Variants in ZNF718 observed in about 807,000 individuals in gnomAD.
ZNF718 encodes the protein zinc finger protein 718.
Under a neutral mutation model 2.6 loss-of-function variants are expected in ZNF718, and 3 were observed. The ratio of observed to expected loss-of-function variants is 1.16; its 90% confidence interval spans 0.53 to 3.01. The LOEUF is 3.01. ZNF718 is among the 30% of genes most tolerant of loss of function. The probability of loss-of-function intolerance (pLI) is 0.03; values close to 1 mark genes in which losing one functional copy is unlikely to be tolerated. For synonymous variants in ZNF718, 135 were observed against 77.9 expected (o/e 1.73, Z -3.86); for missense variants, 468 against 230.0 (o/e 2.03, Z -6.69).
At chr4:194,817 A>G (rs1202293773) in intron 3 of ZNF718, among the ~76,000 whole-genome samples, 1 of 152,194 alleles carries the variant, frequency 6.6e-6, no homozygotes, top group African/African-American at 2.4e-5. Context: ...AATGTTTCCC[A>G]TCTGAAAAAA....
Position 156,024 on chromosome 4 carries a change from T to C in ZNF718, c.227-4888T>C, listed in dbSNP as rs573350567. On this transcript the variant is annotated intron_variant, in intron 3 of 3. Transcript: ENST00000510175. ...GGTTTCCCCATTTGTTTGGTTCTTA[T>C]TCTCTTTCGTCTACCACCATGTAAG... Among the ~76,000 whole-genome samples the C allele has an allele frequency of 5.2e-4, 79 of 152,308 alleles. 3 individuals carry two copies. The highest frequency in any genetic ancestry group is 2.1e-4 in the South Asian group (1 of 4,820).
chr4:140,771 T>C (rs900592826), intron 3 of ZNF718, among the ~76,000 whole-genome samples: 6 of 152,238 alleles, frequency 3.9e-5, no homozygotes, highest in Admixed American at 6.5e-5. Context: ...CTTACTGTTA[T>C]ATGTTATGTC....
intron 3 of ZNF718, among the ~76,000 whole-genome samples, chr4:171,592 A>G (rs1717233402): frequency 6.6e-6 from 1 of 152,004 alleles, no homozygotes; most frequent in African/African-American, 2.4e-5. Context: ...TTGATCTCAG[A>G]CTGCTGTGCT....
chr4:138,170 A>G (rs999576673), intron 3 of ZNF718, among the ~76,000 whole-genome samples: 2 of 152,202 alleles, frequency 1.3e-5, no homozygotes, highest in African/African-American at 2.4e-5. Context: ...AGTTATTTAA[A>G]AATGTACAAT....
At chr4:158,918 T>C (rs1429185808) in intron 3 of ZNF718, among the ~76,000 whole-genome samples, 14 of 151,452 alleles carry the variant, frequency 9.2e-5, no homozygotes, top group African/African-American at 3.2e-4. Flanking sequence ...AAGGCAGATG[T>C]AGTGCTAATA....
intron 3 of ZNF718, among the ~76,000 whole-genome samples, chr4:145,065 C>CTAA (rs1339972050): frequency 1.3e-5 from 2 of 151,520 alleles, no homozygotes; most frequent in East Asian, 3.9e-4. Context: ...AATAATGATA[C>CTAA]TAACCCTTTC....
downstream of ZNF718, among the ~76,000 whole-genome samples, chr4:166,591 T>G (rs1206580815): frequency 6.6e-6 from 1 of 152,258 alleles, no homozygotes; most frequent in South Asian, 2.1e-4. Flanking sequence ...TGCATTTCTC[T>G]GATGGCCAGT....
intron 3 of ZNF718, among the ~76,000 whole-genome samples, chr4:174,217 C>G (rs1306911311): frequency 6.6e-6 from 1 of 152,160 alleles, no homozygotes; most frequent in African/African-American, 2.4e-5. Flanking sequence ...GTGTCTTTCC[C>G]TGTAACTTTT....
intron 3 of ZNF718, among the ~76,000 whole-genome samples, chr4:131,931 G>A (rs1715359430): frequency 9.8e-6 from 1 of 101,616 alleles, no homozygotes; most frequent in African/African-American, 3.4e-5. Flanking sequence ...TGTAGTCCCA[G>A]CTACTCAGGA....
intron 3 of ZNF718, among the ~76,000 whole-genome samples, chr4:159,050 T>C (rs1450711607): frequency 2.6e-5 from 4 of 151,328 alleles, no homozygotes; most frequent in Non-Finnish European, 5.9e-5. Context: ...CTTTTTTTTT[T>C]TTTTGAGATG....
chr4:182,426 A>G (rs920803507), intron 3 of ZNF718, among the ~76,000 whole-genome samples: 10 of 150,262 alleles, frequency 6.7e-5, no homozygotes, highest in African/African-American at 2.4e-4. Context: ...TTATTTATTT[A>G]TTTATTTATT....
intron 3 of ZNF718, among the ~76,000 whole-genome samples, chr4:169,298 A>G (rs547743993): frequency 2.8e-4 from 43 of 152,246 alleles, no homozygotes; most frequent in South Asian, 8.3e-4. Context: ...GAATAAGTGC[A>G]GTGTGGTGCT....
At chr4:134,190 A>G (rs1715453559) in intron 3 of ZNF718, among the ~76,000 whole-genome samples, 1 of 152,236 alleles carries the variant, frequency 6.6e-6, no homozygotes, top group East Asian at 1.9e-4. Context: ...GCTGTCACCC[A>G]GGCTGGAGTG....
intron 3 of ZNF718, among the ~76,000 whole-genome samples, chr4:149,051 G>A (rs1402235865): frequency 6.6e-6 from 1 of 152,106 alleles, no homozygotes; most frequent in Non-Finnish European, 1.5e-5. Context: ...TCTTTTGTCA[G>A]GGCATAACTG....
At chr4:134,376 C>T (rs1352236320) in intron 3 of ZNF718, among the ~76,000 whole-genome samples, 1 of 152,096 alleles carries the variant, frequency 6.6e-6, no homozygotes, top group African/African-American at 2.4e-5. Context: ...TCTATCTGAC[C>T]TCGTGATCTG....
intron 3 of ZNF718, chr4:150,449 G>A (rs1716266721): frequency 6.6e-6 from 1 of 151,944 alleles, no homozygotes; most frequent in South Asian, 2.1e-4. Flanking sequence ...CAAGACCAGT[G>A]CATGAAGCCT....
chr4:177,334 T>C (rs1717369591), intron 3 of ZNF718, among the ~76,000 whole-genome samples: 1 of 152,216 alleles, frequency 6.6e-6, no homozygotes, highest in African/African-American at 2.4e-5. Context: ...TGACTGCAGC[T>C]CAGGAATAAA....
chr4:147,702 A>G (rs1716129182), intron 3 of ZNF718, among the ~76,000 whole-genome samples: 2 of 152,108 alleles, frequency 1.3e-5, no homozygotes. Context: ...CGTCTCTACT[A>G]AAATACAAAA....
chr4:168,073 T>C (rs1231458228), downstream of ZNF718, among the ~76,000 whole-genome samples: 3 of 152,206 alleles, frequency 2.0e-5, no homozygotes, highest in Admixed American at 6.5e-5. Context: ...TTGTTGAATG[T>C]TTTCAAAGGC....
Sources: gnomAD v4.1 joint callset for allele counts (sites outside exome capture counted in the v4.1 genomes callset) on GRCh38, gnomAD v4.1.1 for gene constraint, MANE v1.5 for transcripts, NCBI Gene and HGNC (gene_info 2026-07-23, HGNC 2026-07-21) for gene names.